TBPL2: variants seen among roughly 807,000 people sequenced by gnomAD.
The protein encoded by TBPL2 is TATA box-binding protein-like 2.
In TBPL2, 40 loss-of-function variants were observed where a neutral mutation model predicts 38.2. The ratio of observed to expected loss-of-function variants is 1.05; its 90% CI spans 0.81 to 1.36. The LOEUF is 1.36. Among genes scored for constraint, TBPL2 ranks in the 40% most tolerant of loss-of-function variants. The pLI is 0.00. For synonymous variants in TBPL2, 169 were observed against 171.7 expected (o/e 0.98, Z 0.12); for missense variants, 461 against 456.7 (o/e 1.01, Z -0.09).
intron 6 of TBPL2, among the ~76,000 whole-genome samples, chr14:55,420,469 T>G (rs1174397143): frequency 6.6e-6 from 1 of 152,230 alleles, no homozygotes; most frequent in Non-Finnish European, 1.5e-5. Flanking sequence ...CTAGGCTAAA[T>G]AGTTTAAGAC....
At position 55,426,126 on chromosome 14, in the gene TBPL2, G is replaced by C. The variant is rs764180177; in HGVS notation, c.957-1873C>G. 4.6e-5 allele frequency among the ~76,000 whole-genome samples: 7 copies of C among 152,128 alleles called. No homozygotes were observed. In the East Asian group the frequency reaches 1.4e-3, roughly 29 times the overall value. ...TACTAAAAATACAAAAATTAGCCGG[G>C]TGTGGTGGTGGGTGCCTATAATACC... On this transcript the variant is annotated intron_variant, in intron 5 of 6. Coordinates refer to ENST00000247219, the Ensembl canonical transcript of TBPL2.
intron 6 of TBPL2, among the ~76,000 whole-genome samples, chr14:55,415,995 CAT>C (rs1264380448): frequency 1.3e-5 from 2 of 152,078 alleles, no homozygotes; most frequent in African/African-American, 4.8e-5. Context: ...TGAAAAGTCA[CAT>C]GTTATAAGAT....
rs116003035 is a variant in TBPL2, at chr14:55,438,501, A to G, written c.151-1483T>C. Among the ~76,000 whole-genome samples, 1,239 of 152,228 alleles carry G rather than the reference A, an allele frequency of 8.1e-3. 11 individuals are homozygous for G. Among genetic ancestry groups the G allele is most frequent in the African/African-American group, 0.023 (964 of 41,512 alleles). ...CTTGGTCTCACCTGTCCCAGATGTA[A>G]AGGGTCTCCTCCCGCAATTTACGCT... is the stretch of plus-strand genomic sequence containing the variant. On this transcript the variant is annotated intron_variant, in intron 1 of 6. Coordinates refer to ENST00000247219, the Ensembl canonical transcript of TBPL2.
chr14:55,432,240 C>T (rs1885940425), intron 4 of TBPL2, among the ~76,000 whole-genome samples: 1 of 109,962 alleles, frequency 9.1e-6, no homozygotes, highest in South Asian at 3.4e-4. Flanking sequence ...AAACCCCCGT[C>T]TCTACAAAAA....
At chr14:55,427,880 CT>C (rs551473740) in intron 5 of TBPL2, among the ~76,000 whole-genome samples, 9,485 of 130,736 alleles carry the variant, frequency 0.073, 162 homozygotes, top group Non-Finnish European at 0.081. Context: ...GTTAGGATTG[CT>C]TTTTTTTTTT....
At chr14:55,440,095 G>GA (rs1477440061) in intron 1 of TBPL2, among the ~76,000 whole-genome samples, 1 of 149,906 alleles carries the variant, frequency 6.7e-6, no homozygotes, top group Non-Finnish European at 1.5e-5. Context: ...CCATCTCAGA[G>GA]AAAAATCAAT....
chr14:55,419,400 G>A (rs1194220881), intron 6 of TBPL2, among the ~76,000 whole-genome samples: 1 of 152,236 alleles, frequency 6.6e-6, no homozygotes, highest in Non-Finnish European at 1.5e-5. Context: ...GATCTTAGAA[G>A]TGGAAGTTGA....
Position 55,440,405 on chromosome 14 carries a change from G to T in TBPL2, c.141C>A (p.Cys47Ter), listed in dbSNP as rs1249350271. 6.2e-7 allele frequency: 1 copy of T among 1,613,022 alleles called. No individual in the cohort carries two copies. Among genetic ancestry groups the T allele is most frequent in the South Asian group, 1.1e-5 (1 of 91,078 alleles). Residue 47 changes from cysteine (C) to a stop codon, truncating the protein, a stop_gained, in exon 1 of 7, where the codon TGC becomes TGA. Coordinates refer to ENST00000247219, the Ensembl canonical transcript of TBPL2. LOFTEE classifies it high-confidence loss of function. ...GTGGCGGCAGCCTCACCTGAGCGGC[G>T]CACTGGTCCAGGTAGAGCTCCAGGT...
At chr14:55,418,120 C>T (rs1465145275) in intron 6 of TBPL2, among the ~76,000 whole-genome samples, 1 of 152,100 alleles carries the variant, frequency 6.6e-6, no homozygotes, top group Non-Finnish European at 1.5e-5. Context: ...ATGGCTAGTC[C>T]AAGTACACAT....
chr14:55,414,991 G>C (rs1006349686), intron 6 of TBPL2, among the ~76,000 whole-genome samples: 1 of 152,204 alleles, frequency 6.6e-6, no homozygotes, highest in Non-Finnish European at 1.5e-5. Flanking sequence ...GTAAAGTCTT[G>C]TTTCAAGAAA....
Position 55,422,543 on chromosome 14 carries a change from C to G in TBPL2, c.1051+1616G>C, listed in dbSNP as rs564578596. On this transcript the variant is annotated intron_variant, in intron 6 of 6. Coordinates refer to ENST00000247219, the Ensembl canonical transcript of TBPL2. Reference sequence around the variant, plus strand: ...GGATTACAGGCGTGAGCCACCGCGCCCGGTCATAAAATAGCAACTTTCTGT... The same window carrying G: ...GGATTACAGGCGTGAGCCACCGCGCGCGGTCATAAAATAGCAACTTTCTGT... Among the ~76,000 whole-genome samples, 10 of 152,268 alleles carry G rather than the reference C, an allele frequency of 6.6e-5. No individual in the cohort carries two copies. In the South Asian group the frequency reaches 1.9e-3, roughly 28 times the overall value.
Position 55,423,099 on chromosome 14 carries a change from T to C in TBPL2, c.1051+1060A>G, listed in dbSNP as rs184721189. The stretch of plus-strand genomic sequence containing the variant: ...GTAGACAAAAGGATAAGTTATGTCA[T>C]GTACATATTATTTACAAGAGACAAA... On this transcript the variant is annotated intron_variant, in intron 6 of 6. Coordinates refer to ENST00000247219, the Ensembl canonical transcript of TBPL2. Among the ~76,000 whole-genome samples the C allele has an allele frequency of 6.1e-3, 928 of 152,320 alleles. 5 individuals carry two copies. The highest frequency in any genetic ancestry group is 0.01 in the Non-Finnish European group (714 of 68,022).
At chr14:55,423,938 T>G (rs1293409718) in intron 6 of TBPL2, among the ~76,000 whole-genome samples, 1 of 152,224 alleles carries the variant, frequency 6.6e-6, no homozygotes, top group Non-Finnish European at 1.5e-5. Context: ...AATCAGGATG[T>G]AAAGATGAAA....
chr14:55,433,980 G>A (rs1161354310), intron 3 of TBPL2, among the ~76,000 whole-genome samples: 1 of 152,168 alleles, frequency 6.6e-6, no homozygotes, highest in Non-Finnish European at 1.5e-5. Context: ...ATGATAGGAT[G>A]AACTTGTGTT....
intron 6 of TBPL2, among the ~76,000 whole-genome samples, chr14:55,420,111 C>G (rs1335718113): frequency 6.6e-6 from 1 of 152,192 alleles, no homozygotes; most frequent in Non-Finnish European, 1.5e-5. Context: ...TGCTCTGTTA[C>G]CCAGGCTAGA....
rs139138751 is a variant in TBPL2 at position 55,440,478 on chromosome 14, G to C, written c.68C>G (p.Pro23Arg). The C allele has an allele frequency of 1.3e-3, 2,025 of 1,612,708 alleles. 9 individuals are homozygous for C. The highest frequency in any genetic ancestry group is 1.2e-3 in the Non-Finnish European group (1,376 of 1,179,704). Residue 23 changes from proline to arginine, a missense_variant, in exon 1 of 7, where the codon CCC (proline) becomes CGC (arginine). By Grantham distance (103) the Pro-to-Arg change is moderately radical. Transcript: ENST00000247219. ...CCGTAATCCCACTGTTGGGGGTGGG[G>C]GCGGGTAAGAGGGTAAGCGCGGAGC...
chr14:55,435,993 AG>A, intron 2 of TBPL2, 59 bp from the exon 3 acceptor site: 2 of 1,127,012 alleles, frequency 1.8e-6, no homozygotes, highest in South Asian at 1.4e-5. Flanking sequence ...AAAAAAAAAA[AG>A]ACAACTTATT....
chr14:55,440,614 C>G lies in TBPL2; in HGVS notation c.-69G>C, dbSNP rs1886097581. The stretch of plus-strand genomic sequence containing the variant: ...GTTCCTGCAGAGGGCGCGAGAGAAG[C>G]GTTGGGCGATGGGCTTGGAGCGGGA... On this transcript the variant is annotated 5_prime_UTR_variant, in exon 1 of 7. Coordinates refer to ENST00000247219, the Ensembl canonical transcript of TBPL2. 4.1e-6 allele frequency: 6 copies of G among 1,479,590 alleles called. No individual in the cohort carries two copies. The Admixed American group carries it at 1.2e-4, about 29-fold the overall frequency. The allele number at this position is 1,479,590 out of a possible 1,614,324, so 91.7% of individuals were successfully genotyped here.
At chr14:55,434,565 G>A (rs1056238548) in intron 3 of TBPL2, among the ~76,000 whole-genome samples, 3 of 149,258 alleles carry the variant, frequency 2.0e-5, no homozygotes, top group Non-Finnish European at 4.5e-5. Context: ...CCTACCCCTC[G>A]TCCAAAATGA....
Sources: allele counts gnomAD v4.1 joint callset (sites outside exome capture counted in the v4.1 genomes callset), GRCh38; gene constraint gnomAD v4.1.1; transcripts MANE v1.5; gene names NCBI Gene and HGNC (gene_info 2026-07-23, HGNC 2026-07-21).